TRIM37: variants seen among roughly 807,000 people sequenced by gnomAD.
The protein encoded by TRIM37 is E3 ubiquitin-protein ligase TRIM37.
In TRIM37, 80 loss-of-function variants were observed where a neutral mutation model predicts 129.8. That is an observed-to-expected ratio of 0.62 (90% CI 0.51 to 0.74). The LOEUF is 0.74. TRIM37 is among the 30% of genes least tolerant of loss of function. The pLI is 0.00. For synonymous variants in TRIM37, 389 were observed against 387.1 expected, an observed-to-expected ratio of 1.00 and a Z score of -0.06; for missense variants, 1,054 against 1,176.5, an observed-to-expected ratio of 0.90 and a Z score of 1.52.
At chr17:59,071,090 G>C in intron 8 of TRIM37, 143 bp from the exon 9 acceptor site, 3 of 939,092 alleles carry the variant, frequency 3.2e-6, no homozygotes, top group Non-Finnish European at 4.7e-6. Context: ...AATTAAGAAT[G>C]TACAAAGAAT....
rs1367112103 is a variant in TRIM37, at chr17:58,998,819, G to GAT, written c.*556_*557dup. 1.5e-5 allele frequency: 15 copies of GAT among 989,964 alleles called. No individual in the cohort carries two copies. Among genetic ancestry groups the GAT allele is most frequent in the Admixed American group, 1.2e-4 (2 of 17,234 alleles). The allele number at this position is 989,964 out of a possible 1,614,324, so 61.3% of individuals were successfully genotyped here. ...GCCTGTACTTGAACAAGTGAGAGAAGATACATACTCCAAAAAGGAGATTCA... is the reference window on the plus strand; with the variant it reads ...GCCTGTACTTGAACAAGTGAGAGAAGATATACATACTCCAAAAAGGAGATTCA... On this transcript the variant is annotated 3_prime_UTR_variant, in exon 24 of 24. Coordinates refer to ENST00000262294, the MANE Select transcript of TRIM37 (RefSeq NM_015294.6).
At position 58,998,333 on chromosome 17, in the gene TRIM37, G is replaced by A. The variant is rs2033213897; in HGVS notation, c.*1044C>T. On this transcript the variant is annotated 3_prime_UTR_variant, in exon 24 of 24. Coordinates refer to ENST00000262294, the MANE Select transcript of TRIM37 (RefSeq NM_015294.6). ...ATTCACTAAGTAAAATACAGCAGAT[G>A]AGATGTCTCTCACATGTATATTTAA... 2.0e-6 allele frequency: 2 copies of A among 985,242 alleles called. No individual in the cohort carries two copies. The highest frequency in any genetic ancestry group is 6.1e-5 in the Admixed American group (1 of 16,262). 61.0% of individuals were successfully genotyped at this position (985,242 alleles called of 1,614,324 possible).
chr17:59,015,950 T>A, intron 20 of TRIM37, 151 bp from the exon 21 acceptor site: 1 of 669,100 alleles, frequency 1.5e-6, no homozygotes, highest in Non-Finnish European at 2.6e-6. Context: ...CACTCCAGCC[T>A]GGACAACAGA....
intron 17 of TRIM37, among the ~76,000 whole-genome samples, chr17:59,037,418 C>T (rs1049243203): frequency 4.0e-5 from 6 of 150,876 alleles, no homozygotes. Flanking sequence ...ATCAGCCGGG[C>T]GTGGTGGCGG....
chr17:59,078,666 T>C (rs964296079), intron 7 of TRIM37, among the ~76,000 whole-genome samples: 3 of 152,178 alleles, frequency 2.0e-5, no homozygotes, highest in Non-Finnish European at 4.4e-5. Context: ...AGATCACCTA[T>C]ATGTATGACT....
intron 5 of TRIM37, among the ~76,000 whole-genome samples, chr17:59,083,387 G>A (rs1030347605): frequency 5.4e-5 from 8 of 149,496 alleles, no homozygotes; most frequent in African/African-American, 1.7e-4. Flanking sequence ...GCAGTGAGCC[G>A]AGATCCCACC....
At chr17:59,051,959 C>T (rs192865440) in intron 13 of TRIM37, among the ~76,000 whole-genome samples, 60 of 152,176 alleles carry the variant, frequency 3.9e-4, no homozygotes, top group African/African-American at 1.4e-3. Context: ...TTCCATCTCA[C>T]GTTCCCGTAT....
intron 11 of TRIM37, among the ~76,000 whole-genome samples, chr17:59,061,482 C>T (rs568795166): frequency 1.3e-4 from 20 of 152,010 alleles, no homozygotes; most frequent in African/African-American, 4.6e-4. Flanking sequence ...TTAAGACCAA[C>T]ATACAAAAAG....
intron 15 of TRIM37, 137 bp from the exon 16 acceptor site, chr17:59,047,956 G>A: frequency 2.1e-6 from 2 of 968,498 alleles, no homozygotes; most frequent in Admixed American, 4.0e-5. Context: ...TGCCTCAGCT[G>A]CTGAGCCCTG....
intron 24 of TRIM37, among the ~76,000 whole-genome samples, chr17:58,991,359 A>G: frequency 6.6e-6 from 1 of 151,714 alleles, no homozygotes; most frequent in African/African-American, 2.4e-5. Flanking sequence ...AACATGGTAA[A>G]ACCTTGTCTC....
At chr17:58,978,539 C>T (rs939114511), downstream of TRIM37, among the ~76,000 whole-genome samples, 31 of 151,892 alleles carry the variant, frequency 2.0e-4, no homozygotes, top group Admixed American at 9.8e-4. Context: ...GGTGAAACCC[C>T]GTCTCTAATA....
At chr17:59,093,392 A>C (rs2044571864) in intron 2 of TRIM37, among the ~76,000 whole-genome samples, 1 of 152,094 alleles carries the variant, frequency 6.6e-6, no homozygotes, top group South Asian at 2.1e-4. Flanking sequence ...ATGTCTTTAC[A>C]TGTTTCCTCT....
chr17:59,038,601 A>G (rs1028874071), intron 17 of TRIM37, among the ~76,000 whole-genome samples: 1 of 152,198 alleles, frequency 6.6e-6, no homozygotes, highest in African/African-American at 2.4e-5. Flanking sequence ...TGATGAATAT[A>G]TAATTCAAAA....
chr17:58,984,539 C>T (rs1567905530), intron 24 of TRIM37: 1 of 152,522 alleles, frequency 6.6e-6, no homozygotes, highest in African/African-American at 2.4e-5. Flanking sequence ...TTTGTCCACA[C>T]TTTAATTTGA....
chr17:58,971,784 C>A, the TRIM37 span, among the ~76,000 whole-genome samples: 2 of 152,170 alleles, frequency 1.3e-5, no homozygotes, highest in African/African-American at 4.8e-5. Flanking sequence ...GGATTTAGTG[C>A]TTGACTGGGA....
chr17:59,080,949 T>G (rs767049190), intron 6 of TRIM37, 148 bp downstream of exon 6: 31 of 350,712 alleles, frequency 8.8e-5, no homozygotes, highest in Non-Finnish European at 1.2e-4. Context: ...ACTCTGAAAT[T>G]TATGGAATTT....
chr17:59,039,487 C>T (rs2038922556), intron 17 of TRIM37, among the ~76,000 whole-genome samples: 1 of 152,082 alleles, frequency 6.6e-6, no homozygotes. Context: ...GCTGGGACTA[C>T]AGGCGCCTGC....
At chr17:59,045,867 A>T (rs2039739680) in intron 16 of TRIM37, among the ~76,000 whole-genome samples, 1 of 150,754 alleles carries the variant, frequency 6.6e-6, no homozygotes, top group Admixed American at 6.6e-5. Context: ...ATACAAAAAA[A>T]TAGCCAGGCG....
At chr17:58,983,247 C>A (rs971179419) in intron 24 of TRIM37, 1 of 220,912 alleles carries the variant, frequency 4.5e-6, no homozygotes. Context: ...CTAGTGTGGT[C>A]GTTATAAACC....
Sources: allele counts gnomAD v4.1 joint callset (sites outside exome capture counted in the v4.1 genomes callset), GRCh38; gene constraint gnomAD v4.1.1; transcripts MANE v1.5; gene names NCBI Gene and HGNC (gene_info 2026-07-23, HGNC 2026-07-21).